Variants in MAP3K9 observed in about 807,000 individuals in gnomAD.
MAP3K9 encodes mixed lineage kinase 1 (tyr and ser/thr specificity).
A neutral mutation model predicts 95.8 loss-of-function variants in MAP3K9; 46 were observed. That is an observed-to-expected ratio of 0.48 (90% CI 0.38 to 0.61). The LOEUF (loss-of-function observed/expected upper bound fraction) is 0.61, where lower values mean the gene tolerates loss of function less well. Among genes scored for constraint, MAP3K9 ranks in the 20% least tolerant of loss-of-function variants. The pLI, the probability that MAP3K9 is intolerant of heterozygous loss-of-function variation, is 0.00. For missense variants in MAP3K9, 1,296 were observed against 1,474.3 expected (o/e 0.88, Z 1.98); for synonymous variants, 533 against 593.8 (o/e 0.90, Z 1.49).
At chr14:70,773,978 A>G (rs1317052945) in intron 2 of MAP3K9, among the ~76,000 whole-genome samples, 6 of 152,222 alleles carry the variant, frequency 3.9e-5, no homozygotes, top group Non-Finnish European at 5.9e-5. Flanking sequence ...ACAGACACAG[A>G]CATATCAAAA....
intron 2 of MAP3K9, among the ~76,000 whole-genome samples, chr14:70,780,297 G>A (rs1484307882): frequency 6.6e-6 from 1 of 152,138 alleles, no homozygotes; most frequent in Non-Finnish European, 1.5e-5. Context: ...ACATGATAGG[G>A]AACTAATATA....
intron 2 of MAP3K9, among the ~76,000 whole-genome samples, chr14:70,765,039 A>T (rs2054431316): frequency 6.6e-6 from 1 of 151,952 alleles, no homozygotes; most frequent in Non-Finnish European, 1.5e-5. Context: ...GAAGAAAGAA[A>T]ATTTTTCAGC....
chr14:70,781,289 G>GCA (rs752848987), intron 2 of MAP3K9, among the ~76,000 whole-genome samples: 26 of 152,230 alleles, frequency 1.7e-4, no homozygotes, highest in Admixed American at 7.8e-4. Context: ...TGGACAGACT[G>GCA]CACATGGGCA....
intron 5 of MAP3K9, among the ~76,000 whole-genome samples, chr14:70,743,921 C>T (rs967681784): frequency 6.6e-6 from 1 of 152,208 alleles, no homozygotes; most frequent in African/African-American, 2.4e-5. Context: ...TTTATTGCGG[C>T]ACTATTCACA....
At position 70,788,668 on chromosome 14, in the gene MAP3K9, G is replaced by A. The variant is rs549294978; in HGVS notation, c.820+11999C>T. Among the ~76,000 whole-genome samples, 7 of 152,240 alleles carry A rather than the reference G, an allele frequency of 4.6e-5. No individual in the cohort carries two copies. The East Asian group carries it at 7.7e-4, about 17-fold the overall frequency. ...GGTGTTGTTTGGAGAATGTCTATGC[G>A]GGAAGGAGGTATGTATGGGAAAGAC... is the stretch of plus-strand genomic sequence containing the variant. On this transcript the variant is annotated intron_variant, in intron 2 of 11. Coordinates refer to ENST00000554752, the MANE Select transcript of MAP3K9 (RefSeq NM_001284230.2).
rs2054369013 is a variant in MAP3K9, at chr14:70,761,140, T to C, written c.863A>G (p.Lys288Arg). 1.2e-6 allele frequency: 2 copies of C among 1,613,990 alleles called. No homozygotes were observed. Among genetic ancestry groups the C allele is most frequent in the Non-Finnish European group, 1.7e-6 (2 of 1,179,992 alleles). ...QKVENGDLSN[K>R]ILKITDFGLA... ...GCCAAAATCAGTGATCTTCAGAATCTTGTTGCTCAGGTCTCCATTCTCCAC... is the reference window on the plus strand; with the variant it reads ...GCCAAAATCAGTGATCTTCAGAATCCTGTTGCTCAGGTCTCCATTCTCCAC... Residue 288 changes from lysine to arginine, a missense_variant, in exon 3 of 12, where the codon AAG (lysine) becomes AGG (arginine). Transcript: ENST00000554752.
intron 4 of MAP3K9, 87 bp downstream of exon 4, chr14:70,749,846 A>G: frequency 6.7e-7 from 1 of 1,489,662 alleles, no homozygotes; most frequent in Admixed American, 1.8e-5. Flanking sequence ...TCTTTCAGTA[A>G]CTGATCTCAC....
chr14:70,740,086 G>A lies in MAP3K9; in HGVS notation c.1646C>T (p.Pro549Leu). The part of the protein sequence containing the change: ...RKSLINSRSS[P>L]PASPTIIPRL... ...AGGAATGATGGTGGGGCTTGCAGGAGGACTGGAGCGGCTGTTGATAAGACT... is the reference window on the plus strand; with the variant it reads ...AGGAATGATGGTGGGGCTTGCAGGAAGACTGGAGCGGCTGTTGATAAGACT... Residue 549 changes from proline to leucine, a missense_variant, in exon 7 of 12, where the codon CCT becomes CTT. This residue lies in a region of MAP3K9 where 377 missense variants were observed against 417.1 expected (regional missense o/e 0.90). Transcript: ENST00000554752. The A allele has an allele frequency of 5.6e-6, 9 of 1,614,174 alleles. No individual in the cohort carries two copies. Among genetic ancestry groups the A allele is most frequent in the Non-Finnish European group, 7.6e-6 (9 of 1,180,022 alleles).
In MAP3K9 at chr14:70,809,248, C is replaced by T. The variant is rs1251283406; in HGVS notation, c.-77G>A. 1 of 1,274,394 alleles carries T rather than the reference C, an allele frequency of 7.8e-7. No homozygotes were observed. The highest frequency in any genetic ancestry group is 1.6e-5 in the African/African-American group (1 of 64,288). The allele number at this position is 1,274,394 out of a possible 1,614,324, so 78.9% of individuals were successfully genotyped here. On this transcript the variant is annotated 5_prime_UTR_variant, in exon 1 of 12. Transcript: ENST00000554752. Reference sequence around the variant, plus strand: ...GCCGCCTATTGTTCATGCGCCTCCGCAGAGCTGGGAGGACCCCCCCCCAAC... The same window carrying T: ...GCCGCCTATTGTTCATGCGCCTCCGTAGAGCTGGGAGGACCCCCCCCCAAC...
chr14:70,793,604 G>A (rs1364509005), intron 2 of MAP3K9, among the ~76,000 whole-genome samples: 1 of 152,098 alleles, frequency 6.6e-6, no homozygotes, highest in Non-Finnish European at 1.5e-5. Context: ...TAAGAGAAAG[G>A]GAACATTTAC....
At chr14:70,735,502 T>A (rs1415683283) in intron 9 of MAP3K9, among the ~76,000 whole-genome samples, 1 of 151,722 alleles carries the variant, frequency 6.6e-6, no homozygotes, top group Non-Finnish European at 1.5e-5. Context: ...CTATCAGAAA[T>A]ACCAGCAAAT....
intron 1 of MAP3K9, 28 bp downstream of exon 1, chr14:70,808,738 T>C: frequency 1.1e-4 from 81 of 717,086 alleles, no homozygotes; most frequent in South Asian, 8.3e-4. Flanking sequence ...TCATTCCCCC[T>C]CCCCGCCCGG....
At chr14:70,772,662 A>C (rs756977713) in intron 2 of MAP3K9, among the ~76,000 whole-genome samples, 2 of 152,092 alleles carry the variant, frequency 1.3e-5, no homozygotes, top group Non-Finnish European at 2.9e-5. Context: ...ATGTCCTTTC[A>C]GCTGAAAAAA....
chr14:70,764,162 C>T (rs1459902836), intron 2 of MAP3K9, among the ~76,000 whole-genome samples: 1 of 100,548 alleles, frequency 9.9e-6, no homozygotes, highest in Non-Finnish European at 1.8e-5. Flanking sequence ...GTCCGCAGTC[C>T]GGCCTGGGCG....
At chr14:70,766,891 C>T (rs2054462571) in intron 2 of MAP3K9, among the ~76,000 whole-genome samples, 1 of 152,308 alleles carries the variant, frequency 6.6e-6, no homozygotes, top group Admixed American at 6.5e-5. Flanking sequence ...TGAATTCTTC[C>T]TTCAGCATCC....
intron 2 of MAP3K9, among the ~76,000 whole-genome samples, chr14:70,766,111 G>A (rs1476938283): frequency 6.6e-6 from 1 of 152,040 alleles, no homozygotes; most frequent in East Asian, 1.9e-4. Context: ...GAAGAATGGT[G>A]GTGCCCCTAA....
chr14:70,739,589 G>A (rs1268139168), intron 7 of MAP3K9, among the ~76,000 whole-genome samples: 1 of 151,502 alleles, frequency 6.6e-6, no homozygotes, highest in Admixed American at 6.6e-5. Flanking sequence ...AATTGGTCCA[G>A]ATTTGGCTTA....
rs2053854569 is a variant in MAP3K9, at chr14:70,728,807, T to C, written c.*1573A>G. ...GCCAGCTGCACATCCAGGCAGCAAA[T>C]GCAAGGAACCTGCTGAGTGACCTCC... On this transcript the variant is annotated 3_prime_UTR_variant, in exon 12 of 12. Coordinates refer to ENST00000554752, the MANE Select transcript of MAP3K9 (RefSeq NM_001284230.2). 6.6e-6 allele frequency: 1 copy of C among 152,076 alleles called. No individual in the cohort carries two copies. Among genetic ancestry groups the C allele is most frequent in the Non-Finnish European group, 1.5e-5 (1 of 68,040 alleles). The allele number at this position is 152,076 out of a possible 1,614,324, so 9.4% of individuals were successfully genotyped here.
At position 70,799,665 on chromosome 14, in the gene MAP3K9, G is replaced by C. The variant is rs557121617; in HGVS notation, c.820+1002C>G. Among the ~76,000 whole-genome samples, 46 of 152,276 alleles carry C rather than the reference G, an allele frequency of 3.0e-4. No individual in the cohort carries two copies. In the South Asian group the frequency reaches 7.7e-3, roughly 25 times the overall value. On this transcript the variant is annotated intron_variant, in intron 2 of 11. Coordinates refer to ENST00000554752, the MANE Select transcript of MAP3K9 (RefSeq NM_001284230.2). ...TAAAATGTAGTTTTTAAAGTAAACAGATTCACCATAGTATCAACAGAAAAA... is the reference window on the plus strand; with the variant it reads ...TAAAATGTAGTTTTTAAAGTAAACACATTCACCATAGTATCAACAGAAAAA...
Sources: gnomAD v4.1 joint callset for allele counts (sites outside exome capture counted in the v4.1 genomes callset) on GRCh38, gnomAD v4.1.1 for gene constraint, gnomAD v4.1.1 regional missense constraint, MANE v1.5 for transcripts, NCBI Gene and HGNC (gene_info 2026-07-23, HGNC 2026-07-21) for gene names.